KANSL1L: variants seen among roughly 807,000 people sequenced by gnomAD.
KANSL1L encodes the protein KAT8 regulatory NSL complex subunit 1 like, also known as KAT8 regulatory NSL complex subunit 1-like protein.
In KANSL1L, 25 loss-of-function variants were observed where a neutral mutation model predicts 108.6. That is an observed-to-expected ratio of 0.23 (90% CI 0.17 to 0.32). The LOEUF is 0.32. KANSL1L is among the 10% of genes least tolerant of loss of function. KANSL1L has a pLI of 1.00. For missense variants in KANSL1L, 1,137 were observed against 1,125.7 expected, an observed-to-expected ratio of 1.01 and a Z score of -0.14; for synonymous variants, 405 against 395.1, an observed-to-expected ratio of 1.03 and a Z score of -0.30.
intron 5 of KANSL1L, chr2:210,079,664 ATGTATG>A (rs1459877619): frequency 1.7e-3 from 17 of 10,070 alleles, no homozygotes; most frequent in Non-Finnish European, 2.1e-3. Flanking sequence ...ATATATATAT[ATGTATG>A]TGTGTATATA....
At chr2:210,121,768 G>A (rs2095023587) in intron 3 of KANSL1L, among the ~76,000 whole-genome samples, 1 of 152,138 alleles carries the variant, frequency 6.6e-6, no homozygotes, top group African/African-American at 2.4e-5. Flanking sequence ...GTTTGCACGT[G>A]ATATGATCTT....
In KANSL1L at chr2:210,096,685, T is replaced by C. The variant is rs536256006; in HGVS notation, c.1550+1401A>G. ...TACATTATGACTTTCCTAATTAGGA[T>C]ACGTTCTCATAAATGAAAATATCAT... On this transcript the variant is annotated intron_variant, in intron 5 of 14. Coordinates refer to ENST00000281772, the MANE Select transcript of KANSL1L (RefSeq NM_152519.4). The C allele has an allele frequency of 2.2e-4, 215 of 973,706 alleles. 1 individual carries two copies. The African/African-American group carries it at 3.5e-3, about 16-fold the overall frequency. The allele number at this position is 973,706 out of a possible 1,614,324, so 60.3% of individuals were successfully genotyped here. A position where few individuals can be genotyped will look rare whatever the true frequency, so the allele number is the denominator to read the frequency against.
chr2:210,102,496 C>G (rs373133063), intron 4 of KANSL1L, among the ~76,000 whole-genome samples: 2 of 152,186 alleles, frequency 1.3e-5, no homozygotes, highest in African/African-American at 4.8e-5. Context: ...AGCTTCTGCA[C>G]AGCAAAAGAA....
intron 5 of KANSL1L, chr2:210,080,173 A>G (rs529378382): frequency 1.3e-5 from 2 of 151,598 alleles, no homozygotes; most frequent in East Asian, 1.9e-4. Context: ...ACACACACAC[A>G]CTGCTTAAAA....
intron 6 of KANSL1L, among the ~76,000 whole-genome samples, chr2:210,060,877 C>A (rs1251379709): frequency 2.0e-5 from 3 of 152,108 alleles, no homozygotes; most frequent in African/African-American, 7.2e-5. Context: ...AACTTCTGCC[C>A]AGTTCATGTT....
intron 5 of KANSL1L, among the ~76,000 whole-genome samples, chr2:210,090,760 C>T (rs1350153703): frequency 6.6e-6 from 1 of 151,986 alleles, no homozygotes; most frequent in Non-Finnish European, 1.5e-5. Context: ...CTCAAACTCC[C>T]GGGCTCAAGC....
At chr2:210,117,611 G>GA (rs1264546006) in intron 3 of KANSL1L, among the ~76,000 whole-genome samples, 1 of 151,620 alleles carries the variant, frequency 6.6e-6, no homozygotes, top group Non-Finnish European at 1.5e-5. Context: ...AGTGCTGAAA[G>GA]AAAAAAACTT....
At chr2:210,142,169 G>C (rs1356388044) in intron 2 of KANSL1L, among the ~76,000 whole-genome samples, 1 of 151,660 alleles carries the variant, frequency 6.6e-6, no homozygotes, top group African/African-American at 2.4e-5. Flanking sequence ...CTTTATTACT[G>C]TTTTAATCTC....
chr2:210,136,400 A>C (rs1558551), intron 2 of KANSL1L, among the ~76,000 whole-genome samples: 70,723 of 152,072 alleles, frequency 0.47, 19,383 homozygotes, highest in Middle Eastern at 0.61. Context: ...CCTGTAAAAT[A>C]GTCTTAAATA....
intron 3 of KANSL1L, among the ~76,000 whole-genome samples, chr2:210,112,602 T>C (rs2094919500): frequency 6.6e-6 from 1 of 152,200 alleles, no homozygotes; most frequent in Non-Finnish European, 1.5e-5. Flanking sequence ...TTTCAGTGCA[T>C]GTCTCTTATT....
chr2:210,130,839 T>G (rs2095113139), intron 2 of KANSL1L, among the ~76,000 whole-genome samples: 1 of 54,968 alleles, frequency 1.8e-5, no homozygotes, highest in African/African-American at 7.2e-5. Flanking sequence ...GGCAAGGTGG[T>G]AACAATTTTT....
intron 6 of KANSL1L, among the ~76,000 whole-genome samples, chr2:210,064,993 G>A (rs1039847313): frequency 2.6e-5 from 4 of 152,030 alleles, no homozygotes; most frequent in Middle Eastern, 3.4e-3. Context: ...TATGGATGGT[G>A]TAGGATGATC....
intron 1 of KANSL1L, chr2:210,155,341 G>A (rs568890546): frequency 6.6e-6 from 1 of 152,318 alleles, no homozygotes; most frequent in South Asian, 2.1e-4. Flanking sequence ...CAACCCAGGA[G>A]GCAGAGGTTG....
chr2:210,074,115 C>T (rs540516314), intron 6 of KANSL1L, among the ~76,000 whole-genome samples: 1 of 152,198 alleles, frequency 6.6e-6, no homozygotes, highest in Admixed American at 6.5e-5. Flanking sequence ...AGAGAAATGA[C>T]ATTTAAATTA....
chr2:210,162,242 A>ATATG (rs67616724), intron 1 of KANSL1L, among the ~76,000 whole-genome samples: 1 of 142,158 alleles, frequency 7.0e-6, no homozygotes, highest in African/African-American at 2.6e-5. Flanking sequence ...ATATATATAT[A>ATATG]TGTATATCAA....
At chr2:210,071,593 A>G (rs1034699496) in intron 6 of KANSL1L, among the ~76,000 whole-genome samples, 5 of 152,098 alleles carry the variant, frequency 3.3e-5, no homozygotes, top group Admixed American at 2.6e-4. Flanking sequence ...TTATAAGGAC[A>G]TCAGTCATAT....
At chr2:210,170,382 A>AC in intron 1 of KANSL1L, 13 of 985,484 alleles carry the variant, frequency 1.3e-5, no homozygotes, top group Non-Finnish European at 1.6e-5. Flanking sequence ...CTCCCAGAGT[A>AC]AGAAAACATT....
At chr2:210,059,774 T>C (rs2094399700) in intron 6 of KANSL1L, among the ~76,000 whole-genome samples, 1 of 144,640 alleles carries the variant, frequency 6.9e-6, no homozygotes, top group Non-Finnish European at 1.5e-5. Context: ...CTTAAGTAAC[T>C]TTTTTTTTTT....
At chr2:210,158,529 G>A (rs570403998) in intron 1 of KANSL1L, among the ~76,000 whole-genome samples, 4 of 152,196 alleles carry the variant, frequency 2.6e-5, no homozygotes, top group East Asian at 1.9e-4. Flanking sequence ...GAAATAACAC[G>A]TAATTTAAGC....
Sources: gnomAD v4.1 joint callset for allele counts (sites outside exome capture counted in the v4.1 genomes callset) on GRCh38, gnomAD v4.1.1 for gene constraint, MANE v1.5 for transcripts, NCBI Gene and HGNC (gene_info 2026-07-23, HGNC 2026-07-21) for gene names.